The following RBM20 variants were observed in gnomAD, a reference collection of about 807,000 sequenced individuals.
RBM20 encodes the protein RNA-binding protein 20.
Under a neutral mutation model 110.1 loss-of-function variants are expected in RBM20, and 51 were observed. The observed-to-expected ratio is 0.46, with a 90% CI of 0.37 to 0.59. RBM20 has a LOEUF of 0.59. Among genes scored for constraint, RBM20 ranks in the 20% least tolerant of loss-of-function variants. The probability of loss-of-function intolerance (pLI) is 0.00; values close to 1 mark genes in which losing one functional copy is unlikely to be tolerated. For missense variants in RBM20, 1,512 were observed against 1,574.9 expected (o/e 0.96, Z 0.68); for synonymous variants, 589 against 618.2 (o/e 0.95, Z 0.70).
At chr10:110,747,894 A>G (rs143219377) in intron 1 of RBM20, among the ~76,000 whole-genome samples, 9 of 54,108 alleles carry the variant, frequency 1.7e-4, no homozygotes, top group South Asian at 3.4e-4. Flanking sequence ...GAAAGAGAAA[A>G]CTTTTTAGAA....
chr10:110,778,698 A>G (rs1844298742), intron 1 of RBM20, among the ~76,000 whole-genome samples: 1 of 152,256 alleles, frequency 6.6e-6, no homozygotes, highest in Non-Finnish European at 1.5e-5. Flanking sequence ...CATCCTGAAC[A>G]TATTTCCTGA....
In RBM20 at chr10:110,821,513, G is replaced by C. The variant is rs1564664452; in HGVS notation, c.2894G>C (p.Gly965Ala). Residue 965 changes from glycine (G) to alanine (A), a missense_variant, in exon 11 of 14, where the codon GGA (glycine) becomes GCA (alanine). By Grantham distance (60) the Gly-to-Ala change is moderately conservative. This residue lies in a region of RBM20 where 358 missense variants were observed against 384.2 expected (regional missense o/e 0.93). Transcript: ENST00000369519. ...CTGGCCCAGGATTTCCCCAAGGAAGGAGTCAAGGCCGTAGGGAATGGGGCT... is the reference window on the plus strand; with the variant it reads ...CTGGCCCAGGATTTCCCCAAGGAAGCAGTCAAGGCCGTAGGGAATGGGGCT... The part of the protein sequence containing the change: ...LDLAQDFPKE[G>A]VKAVGNGAAE... 2 of 1,552,026 alleles carry C rather than the reference G, an allele frequency of 1.3e-6. No individual in the cohort carries two copies. Among genetic ancestry groups the C allele is most frequent in the East Asian group, 2.4e-5 (1 of 40,930 alleles).
chr10:110,653,816 A>G lies in RBM20; in HGVS notation c.191+9171A>G, dbSNP rs191107297. On this transcript the variant is annotated intron_variant, in intron 1 of 13. Transcript: ENST00000369519. ...AGCAATCCTCCTGCCTCAGCCTCCC[A>G]AAGTGCTGGGATTACAGGCATGAGC... Among the ~76,000 whole-genome samples the G allele has an allele frequency of 4.0e-4, 61 of 152,316 alleles. 1 individual carries two copies. In the East Asian group the frequency reaches 0.011, roughly 26 times the overall value.
intron 9 of RBM20, among the ~76,000 whole-genome samples, chr10:110,816,881 G>A (rs979270572): frequency 6.6e-6 from 1 of 152,194 alleles, no homozygotes; most frequent in Non-Finnish European, 1.5e-5. Context: ...GGCTGTTGTA[G>A]TACTGTAAAG....
chr10:110,667,074 T>G (rs1415107506), intron 1 of RBM20, among the ~76,000 whole-genome samples: 1 of 152,242 alleles, frequency 6.6e-6, no homozygotes, highest in Non-Finnish European at 1.5e-5. Flanking sequence ...TGTGTGGTCT[T>G]ACTGTTCTGT....
At chr10:110,823,746 C>G (rs1844947529) in intron 12 of RBM20, 132 bp downstream of exon 12, 3 of 957,548 alleles carry the variant, frequency 3.1e-6, no homozygotes, top group African/African-American at 1.6e-5. Context: ...GAGACAAGGT[C>G]TCACTCTGTC....
At chr10:110,663,367 C>T (rs57500029) in intron 1 of RBM20, among the ~76,000 whole-genome samples, 25,446 of 152,076 alleles carry the variant, frequency 0.17, 3,368 homozygotes, top group African/African-American at 0.36. Flanking sequence ...GGACGATCTC[C>T]GTGTACTGCT....
intron 1 of RBM20, among the ~76,000 whole-genome samples, chr10:110,711,046 G>C (rs1862918222): frequency 6.6e-6 from 1 of 152,008 alleles, no homozygotes; most frequent in African/African-American, 2.4e-5. Context: ...GACCATGGAG[G>C]ACTTGTGGGG....
chr10:110,809,669 C>G (rs1022108572), intron 7 of RBM20, among the ~76,000 whole-genome samples: 1 of 152,120 alleles, frequency 6.6e-6, no homozygotes, highest in Non-Finnish European at 1.5e-5. Flanking sequence ...AAGCCCGACT[C>G]CCAGCTTATG....
At chr10:110,686,036 T>C (rs886072736) in intron 1 of RBM20, among the ~76,000 whole-genome samples, 1 of 152,200 alleles carries the variant, frequency 6.6e-6, no homozygotes, top group African/African-American at 2.4e-5. Flanking sequence ...GCATCTTGCA[T>C]CCACATTGAA....
At chr10:110,765,608 A>G (rs1844069529) in intron 1 of RBM20, among the ~76,000 whole-genome samples, 1 of 152,168 alleles carries the variant, frequency 6.6e-6, no homozygotes, top group Admixed American at 6.5e-5. Flanking sequence ...TAGCAGACTC[A>G]AGCACAACCA....
In RBM20 at chr10:110,821,364, GGAA is replaced by G. The variant is rs765389992; in HGVS notation, c.2754_2756del (p.Glu918del). ...AGCTGGTGACAGTGGACGAGGTTGG[GGAA>G]GAAGAAGATTTTATCGTGGAACCAG... On this transcript the variant is annotated inframe_deletion, in exon 11 of 14. Transcript: ENST00000369519. 59 of 1,551,616 alleles carry G rather than the reference GGAA, an allele frequency of 3.8e-5. No individual in the cohort carries two copies. The highest frequency in any genetic ancestry group is 4.0e-5 in the Non-Finnish European group (46 of 1,147,010).
intron 1 of RBM20, among the ~76,000 whole-genome samples, chr10:110,660,039 A>G (rs1282801684): frequency 1.3e-5 from 2 of 151,858 alleles, no homozygotes; most frequent in African/African-American, 4.8e-5. Context: ...TCTGGTCTCA[A>G]ACTTCTGGGC....
rs1844341372 is a variant in RBM20 at position 110,781,290 on chromosome 10, A to T, written c.681A>T (p.Gly227=). 6.4e-7 allele frequency: 1 copy of T among 1,551,556 alleles called. No homozygotes were observed. Among genetic ancestry groups the T allele is most frequent in the African/African-American group, 1.4e-5 (1 of 73,042 alleles). ...CTGGGCCTGCTCCAGCTACAGCAGG[A>T]TTCTATGAGTATGGCAAAGCCAGCT... ...GKTGPAPATA[G]FYEYGKASSG... The change falls in exon 2 of 14, where the codon GGA becomes GGT. Residue 227 remains glycine, a synonymous_variant. Coordinates refer to ENST00000369519, the MANE Select transcript of RBM20 (RefSeq NM_001134363.3).
upstream of RBM20, among the ~76,000 whole-genome samples, chr10:110,643,378 C>T (rs564497755): frequency 2.6e-5 from 4 of 152,366 alleles, no homozygotes; most frequent in East Asian, 7.7e-4. Context: ...TTAAGCCGAA[C>T]CTTGCTTGGT....
intron 7 of RBM20, 57 bp from the exon 8 acceptor site, chr10:110,810,326 C>T: frequency 7.7e-7 from 1 of 1,303,474 alleles, no homozygotes; most frequent in Non-Finnish European, 1.1e-6. Context: ...GAGCTGCTTC[C>T]CTCAGGTGTT....
chr10:110,648,490 G>A (rs527279159), intron 1 of RBM20, among the ~76,000 whole-genome samples: 96 of 152,328 alleles, frequency 6.3e-4, no homozygotes, highest in African/African-American at 2.0e-3. Context: ...TGCTAAAAAG[G>A]GACATTCCCT....
chr10:110,823,659 T>G, intron 12 of RBM20, 45 bp downstream of exon 12: 1 of 1,544,964 alleles, frequency 6.5e-7, no homozygotes. Flanking sequence ...GTCTAGGAAA[T>G]AACAGTTCCA....
chr10:110,689,808 TA>T (rs1257249177), intron 1 of RBM20, among the ~76,000 whole-genome samples: 4 of 152,346 alleles, frequency 2.6e-5, no homozygotes, highest in African/African-American at 9.6e-5. Flanking sequence ...TATTTCTTGG[TA>T]TTCTTCATAT....
Sources: gnomAD v4.1 joint callset for allele counts (sites outside exome capture counted in the v4.1 genomes callset) on GRCh38, gnomAD v4.1.1 for gene constraint, gnomAD v4.1.1 regional missense constraint, MANE v1.5 for transcripts, NCBI Gene and HGNC (gene_info 2026-07-23, HGNC 2026-07-21) for gene names.